Variants in HSF2BP observed in about 807,000 individuals in gnomAD.
The protein encoded by HSF2BP is heat shock transcription factor 2 binding protein.
In HSF2BP, 35 loss-of-function variants were observed where a neutral mutation model predicts 35.0. The ratio of observed to expected loss-of-function variants is 1.00; its 90% CI spans 0.76 to 1.32. HSF2BP has a LOEUF of 1.32. Among genes scored for constraint, HSF2BP ranks in the 40% most tolerant of loss-of-function variants. The pLI is 0.00. For missense variants in HSF2BP, 326 were observed against 321.7 expected, an observed-to-expected ratio of 1.01 and a Z score of -0.10; for synonymous variants, 114 against 117.4, an observed-to-expected ratio of 0.97 and a Z score of 0.18.
intron 8 of HSF2BP, among the ~76,000 whole-genome samples, chr21:43,579,504 A>G (rs971657074): frequency 6.6e-6 from 1 of 152,220 alleles, no homozygotes; most frequent in African/African-American, 2.4e-5. Context: ...TTGAAGTAAA[A>G]TAGTTAATTC....
intron 3 of HSF2BP, among the ~76,000 whole-genome samples, chr21:43,646,598 G>A (rs561834154): frequency 2.7e-4 from 41 of 152,316 alleles, no homozygotes; most frequent in African/African-American, 9.4e-4. Context: ...AAACCTGTGG[G>A]AATTAACTTT....
intron 3 of HSF2BP, among the ~76,000 whole-genome samples, chr21:43,652,023 T>C (rs150019729): frequency 3.9e-4 from 60 of 152,322 alleles, no homozygotes; most frequent in Middle Eastern, 3.4e-3. Context: ...AACAAAACTA[T>C]ATCCACACTC....
intron 7 of HSF2BP, among the ~76,000 whole-genome samples, chr21:43,592,753 G>A (rs2081942160): frequency 6.6e-6 from 1 of 152,076 alleles, no homozygotes; most frequent in Admixed American, 6.6e-5. Context: ...ATGACATCCA[G>A]GTAGCCAGGT....
At chr21:43,603,884 T>G (rs1016646433) in intron 7 of HSF2BP, among the ~76,000 whole-genome samples, 9 of 152,116 alleles carry the variant, frequency 5.9e-5, no homozygotes, top group Non-Finnish European at 1.2e-4. Context: ...ACCCTATGAA[T>G]GTTTGCCACA....
At chr21:43,636,203 AGAAAGAAAAGAAAAG>A (rs1601706145) in intron 4 of HSF2BP, among the ~76,000 whole-genome samples, 1 of 124,504 alleles carries the variant, frequency 8.0e-6, no homozygotes, top group East Asian at 2.2e-4. Flanking sequence ...AAGAAAAAAA[AGAAAGAAAAGAAAAG>A]AAAAGAAAAG....
chr21:43,616,052 A>AT (rs1555868377), intron 6 of HSF2BP, among the ~76,000 whole-genome samples: 25,492 of 143,650 alleles, frequency 0.18, 2,484 homozygotes, highest in African/African-American at 0.23. Context: ...AAAAAAAAAA[A>AT]ATATATATAT....
intron 8 of HSF2BP, among the ~76,000 whole-genome samples, chr21:43,574,880 T>C (rs970788618): frequency 1.3e-5 from 2 of 152,118 alleles, no homozygotes; most frequent in Non-Finnish European, 2.9e-5. Context: ...TCTCTCCCGA[T>C]GAAGGGATGG....
At chr21:43,606,955 A>G (rs892509566) in intron 7 of HSF2BP, among the ~76,000 whole-genome samples, 6 of 152,200 alleles carry the variant, frequency 3.9e-5, no homozygotes, top group Non-Finnish European at 7.3e-5. Flanking sequence ...GAACTGGAAT[A>G]AGACATAGAG....
At chr21:43,657,973 C>G (rs527446943) in intron 2 of HSF2BP, 88 bp downstream of exon 2, 65 of 1,526,548 alleles carry the variant, frequency 4.3e-5, no homozygotes, top group Middle Eastern at 2.3e-4. Context: ...GACAGCGAGC[C>G]GTCTCCGAGC....
At chr21:43,617,701 C>G (rs1182104199) in intron 6 of HSF2BP, among the ~76,000 whole-genome samples, 2 of 151,898 alleles carry the variant, frequency 1.3e-5, no homozygotes, top group African/African-American at 4.8e-5. Flanking sequence ...CACCTGTAAT[C>G]CCAGTACTTT....
intron 8 of HSF2BP, among the ~76,000 whole-genome samples, chr21:43,578,390 A>C (rs745617922): frequency 2.2e-4 from 33 of 151,612 alleles, no homozygotes; most frequent in Admixed American, 6.6e-5. Flanking sequence ...CTCTCTCTCT[A>C]TGAAACTCCC....
chr21:43,650,702 CT>C (rs998092548), intron 3 of HSF2BP, among the ~76,000 whole-genome samples: 2,264 of 99,316 alleles, frequency 0.023, 15 homozygotes, highest in African/African-American at 0.069. Context: ...TTCAGGCTTG[CT>C]TTTTTTTTTT....
intron 5 of HSF2BP, among the ~76,000 whole-genome samples, chr21:43,632,709 C>A (rs1385983397): frequency 1.3e-5 from 2 of 152,158 alleles, no homozygotes; most frequent in Non-Finnish European, 2.9e-5. Flanking sequence ...AGGGGGAAGA[C>A]CTTCATGATG....
At chr21:43,609,302 C>T (rs2082173485) in intron 7 of HSF2BP, among the ~76,000 whole-genome samples, 1 of 152,232 alleles carries the variant, frequency 6.6e-6, no homozygotes, top group Admixed American at 6.5e-5. Flanking sequence ...GGGAGAGGAA[C>T]AAGGACTGAA....
chr21:43,651,640 TA>T (rs1271293241), intron 3 of HSF2BP, among the ~76,000 whole-genome samples: 1 of 152,250 alleles, frequency 6.6e-6, no homozygotes, highest in Non-Finnish European at 1.5e-5. Context: ...TTGTCTTCCA[TA>T]AACTGTTCAT....
chr21:43,592,845 T>G (rs1347399078), intron 7 of HSF2BP, among the ~76,000 whole-genome samples: 1 of 152,146 alleles, frequency 6.6e-6, no homozygotes, highest in Non-Finnish European at 1.5e-5. Context: ...ACAGAGCAGT[T>G]TACTGAATAG....
chr21:43,608,025 A>G (rs747495349), intron 7 of HSF2BP, among the ~76,000 whole-genome samples: 3 of 152,236 alleles, frequency 2.0e-5, no homozygotes, highest in Non-Finnish European at 4.4e-5. Flanking sequence ...AGTCTTCTGG[A>G]TATCGGCCTA....
At chr21:43,631,878 C>T (rs1054149018) in intron 5 of HSF2BP, among the ~76,000 whole-genome samples, 2 of 152,022 alleles carry the variant, frequency 1.3e-5, no homozygotes, top group South Asian at 2.1e-4. Flanking sequence ...TGCGTGTGCA[C>T]GCTCCCACAC....
intron 4 of HSF2BP, among the ~76,000 whole-genome samples, chr21:43,635,458 C>T (rs577541898): frequency 6.6e-6 from 1 of 152,288 alleles, no homozygotes; most frequent in South Asian, 2.1e-4. Flanking sequence ...CGAAATAGAA[C>T]CATTGTGGTA....
Sources: gnomAD v4.1 joint callset for allele counts (sites outside exome capture counted in the v4.1 genomes callset) on GRCh38, gnomAD v4.1.1 for gene constraint, MANE v1.5 for transcripts, NCBI Gene and HGNC (gene_info 2026-07-23, HGNC 2026-07-21) for gene names.